The following TMEM266 variants were observed in gnomAD, a reference collection of about 807,000 sequenced individuals.
The protein encoded by TMEM266 is Hv1 related protein 1.
In TMEM266, 33 loss-of-function variants were observed where a neutral mutation model predicts 50.5. That is an observed-to-expected ratio of 0.65 (90% CI 0.50 to 0.87). The LOEUF (loss-of-function observed/expected upper bound fraction) is 0.87. Ranked by LOEUF, TMEM266 falls within the 40% of genes least tolerant of loss-of-function variation. The probability of loss-of-function intolerance (pLI) is 0.00; values close to 1 mark genes in which losing one functional copy is unlikely to be tolerated. For synonymous variants in TMEM266, 310 were observed against 292.3 expected (o/e 1.06, Z -0.62); for missense variants, 655 against 695.1 (o/e 0.94, Z 0.65).
At chr15:76,171,544 T>C (rs1471760620) in intron 7 of TMEM266, among the ~76,000 whole-genome samples, 1 of 152,190 alleles carries the variant, frequency 6.6e-6, no homozygotes. Flanking sequence ...ATCCAGGTCA[T>C]CTAGTCAAGG....
chr15:76,155,474 G>T (rs952315992), intron 3 of TMEM266, among the ~76,000 whole-genome samples: 18 of 152,158 alleles, frequency 1.2e-4, no homozygotes, highest in African/African-American at 4.3e-4. Flanking sequence ...CCTGACCTCT[G>T]CTGTGATGTC....
chr15:76,125,964 A>G (rs1476343869), intron 1 of TMEM266, among the ~76,000 whole-genome samples: 1 of 152,120 alleles, frequency 6.6e-6, no homozygotes, highest in Non-Finnish European at 1.5e-5. Flanking sequence ...GCTTAACATC[A>G]CCAATCATCA....
chr15:76,162,807 C>T (rs901614911), intron 5 of TMEM266, among the ~76,000 whole-genome samples: 4 of 152,202 alleles, frequency 2.6e-5, no homozygotes, highest in African/African-American at 7.2e-5. Context: ...GGACGACTGG[C>T]ACCCCCTCCT....
In TMEM266 at chr15:76,202,239, T is replaced by TAGTAATGAA. The variant is rs1388829980; in HGVS notation, c.996_997insAGTAATGAA (p.Ser332_Gln333insSerAsnGlu). Reference sequence around the variant, plus strand: ...AGGACGACATGAACAGCTACATCAGTCAGTATTACAATGGGCCCAGCAGTG... The same window carrying TAGTAATGAA: ...AGGACGACATGAACAGCTACATCAGTAGTAATGAACAGTATTACAATGGGCCCAGCAGTG... On this transcript the variant is annotated inframe_insertion, in exon 10 of 11. Coordinates refer to ENST00000388942, the MANE Select transcript of TMEM266 (RefSeq NM_152335.3). 6.2e-7 allele frequency: 1 copy of TAGTAATGAA among 1,613,830 alleles called. No individual in the cohort carries two copies. The highest frequency in any genetic ancestry group is 8.5e-7 in the Non-Finnish European group (1 of 1,179,834).
At chr15:76,199,016 G>A (rs2038699497) in intron 9 of TMEM266, among the ~76,000 whole-genome samples, 2 of 152,208 alleles carry the variant, frequency 1.3e-5, no homozygotes, top group Non-Finnish European at 2.9e-5. Context: ...GGCACATCCC[G>A]GGAGCAAGTA....
chr15:76,095,518 G>A (rs1423701922), intron 1 of TMEM266, among the ~76,000 whole-genome samples: 1 of 152,036 alleles, frequency 6.6e-6, no homozygotes, highest in African/African-American at 2.4e-5. Context: ...CAGTTTGCCA[G>A]TATTTTATTG....
chr15:76,199,388 G>C (rs2038704535), intron 9 of TMEM266, among the ~76,000 whole-genome samples: 1 of 152,224 alleles, frequency 6.6e-6, no homozygotes, highest in African/African-American at 2.4e-5. Context: ...TTGATAGACT[G>C]AGCCAGGACT....
chr15:76,163,597 G>A (rs1055817882), intron 5 of TMEM266, among the ~76,000 whole-genome samples: 3 of 152,220 alleles, frequency 2.0e-5, no homozygotes, highest in Admixed American at 6.5e-5. Context: ...CCCGCCCTTG[G>A]CTGAGGCCAG....
chr15:76,119,778 T>C (rs1042920373), intron 1 of TMEM266, among the ~76,000 whole-genome samples: 3 of 151,008 alleles, frequency 2.0e-5, no homozygotes, highest in Admixed American at 6.6e-5. Context: ...AAAAAAAAAT[T>C]AATTAAAAAA....
rs1173554284 is a variant in TMEM266 at position 76,139,984 on chromosome 15, C to T, written c.227+2089C>T. On this transcript the variant is annotated intron_variant, in intron 3 of 10. Coordinates refer to ENST00000388942, the MANE Select transcript of TMEM266 (RefSeq NM_152335.3). The surrounding 1 kb of genome is among the most constrained non-coding windows in gnomAD (Gnocchi z 4.1). ...TTCCAGGTATCCCCTGTGTATCACT[C>T]CCTAGCCTGAACCCCAAGGCTGGCA... is the stretch of plus-strand genomic sequence containing the variant. Among the ~76,000 whole-genome samples, 1 of 152,228 alleles carries T rather than the reference C, an allele frequency of 6.6e-6. No individual in the cohort carries two copies. Among genetic ancestry groups the T allele is most frequent in the Non-Finnish European group, 1.5e-5 (1 of 68,034 alleles).
In TMEM266 at chr15:76,076,978, T is replaced by TTG. The variant is rs1567142031; in HGVS notation, c.-97+16963_-97+16964insGT. Among the ~76,000 whole-genome samples, 471 of 151,948 alleles carry TTG rather than the reference T, an allele frequency of 3.1e-3. 6 individuals carry two copies. Among genetic ancestry groups the TTG allele is most frequent in the African/African-American group, 0.011 (448 of 41,282 alleles). On this transcript the variant is annotated intron_variant, in intron 1 of 10. Coordinates refer to ENST00000388942, the MANE Select transcript of TMEM266 (RefSeq NM_152335.3). The stretch of plus-strand genomic sequence containing the variant: ...GTTTGTTGTTGTTGTTGTTGTTGTT[T>TTG]TTTTGAGACAAGGCCTCACTCTGTC...
intron 1 of TMEM266, among the ~76,000 whole-genome samples, chr15:76,087,317 T>C (rs1435219543): frequency 6.6e-6 from 1 of 152,118 alleles, no homozygotes; most frequent in Non-Finnish European, 1.5e-5. Flanking sequence ...AGAAAGGGGA[T>C]GAATTTCTAG....
chr15:76,172,558 A>T (rs1002371615), intron 7 of TMEM266, among the ~76,000 whole-genome samples: 5 of 152,190 alleles, frequency 3.3e-5, no homozygotes, highest in African/African-American at 9.7e-5. Flanking sequence ...TTTGGTCCTG[A>T]TGAAGATGCT....
intron 1 of TMEM266, among the ~76,000 whole-genome samples, chr15:76,102,309 A>G (rs1348330711): frequency 6.6e-6 from 1 of 152,196 alleles, no homozygotes; most frequent in Admixed American, 6.5e-5. Context: ...AATAATTATC[A>G]TAAAATTTAT....
chr15:76,101,454 G>GTCT (rs2036998133), intron 1 of TMEM266, among the ~76,000 whole-genome samples: 1 of 152,228 alleles, frequency 6.6e-6, no homozygotes, highest in Admixed American at 6.5e-5. Flanking sequence ...CTGTTATCCA[G>GTCT]GCAGTGCCCT....
chr15:76,127,411 C>T (rs2037440663), intron 1 of TMEM266, among the ~76,000 whole-genome samples: 1 of 151,658 alleles, frequency 6.6e-6, no homozygotes, highest in Non-Finnish European at 1.5e-5. Context: ...ACTGCAGCCT[C>T]AAACTCCCGG....
In TMEM266 at chr15:76,202,266, T is replaced by G. The variant is rs757728302; in HGVS notation, c.1021+2T>G. 1.9e-6 allele frequency: 3 copies of G among 1,612,978 alleles called. No individual in the cohort carries two copies. Reference sequence around the variant, plus strand: ...AGTATTACAATGGGCCCAGCAGTGGTAAGTCTGGGTTGGGGCTGTTCTACA... The same window carrying G: ...AGTATTACAATGGGCCCAGCAGTGGGAAGTCTGGGTTGGGGCTGTTCTACA... On this transcript the variant is annotated splice_donor_variant, in intron 10 of 10. Coordinates refer to ENST00000388942, the MANE Select transcript of TMEM266 (RefSeq NM_152335.3). LOFTEE classifies it high-confidence loss of function.
chr15:76,065,962 A>AG (rs2036408239), intron 1 of TMEM266, among the ~76,000 whole-genome samples: 2 of 152,234 alleles, frequency 1.3e-5, no homozygotes, highest in Admixed American at 1.3e-4. Flanking sequence ...AAGAATGCCG[A>AG]GGGGTGCCCC....
chr15:76,073,307 A>G (rs565230548), intron 1 of TMEM266, among the ~76,000 whole-genome samples: 1 of 148,504 alleles, frequency 6.7e-6, no homozygotes, highest in Admixed American at 6.8e-5. Context: ...ATCTCGGCTC[A>G]CTGCAACCTC....
Sources: allele counts gnomAD v4.1 joint callset (sites outside exome capture counted in the v4.1 genomes callset), GRCh38; gene constraint gnomAD v4.1.1; non-coding constraint Gnocchi (gnomAD v3.1); transcripts MANE v1.5; gene names NCBI Gene and HGNC (gene_info 2026-07-23, HGNC 2026-07-21).